The following PRX variants were observed in gnomAD, a reference collection of about 807,000 sequenced individuals.
The protein encoded by PRX is periaxin.
In PRX, 24 loss-of-function variants were observed where a neutral mutation model predicts 29.6. The ratio of observed to expected loss-of-function variants is 0.81; its 90% CI spans 0.59 to 1.14. The LOEUF is 1.14. Ranked by LOEUF, PRX falls within the 50% of genes most tolerant of loss-of-function variation. The pLI, the probability that PRX is intolerant of heterozygous loss-of-function variation, is 0.00. For missense variants in PRX, 1,838 were observed against 1,926.4 expected (o/e 0.95, Z 0.86); for synonymous variants, 772 against 831.7 (o/e 0.93, Z 1.24).
intron 4 of PRX, among the ~76,000 whole-genome samples, chr19:40,406,888 C>T (rs1434862778): frequency 6.6e-6 from 1 of 151,384 alleles, no homozygotes; most frequent in African/African-American, 2.4e-5. Flanking sequence ...ATTCTTCTGC[C>T]TCAGCCTCCC....
intron 4 of PRX, among the ~76,000 whole-genome samples, chr19:40,406,451 A>G (rs1285005373): frequency 1.3e-5 from 2 of 152,058 alleles, no homozygotes; most frequent in African/African-American, 4.8e-5. Flanking sequence ...CCAGAGAGGT[A>G]AAGTGACTTG....
At chr19:40,399,444 T>C (rs2079472836) in intron 5 of PRX, among the ~76,000 whole-genome samples, 1 of 152,236 alleles carries the variant, frequency 6.6e-6, no homozygotes. Flanking sequence ...TCCAGTGGCA[T>C]TGTTACCAGT....
chr19:40,413,858 TAAAAG>T (rs2145751817), upstream of PRX, among the ~76,000 whole-genome samples: 1 of 152,270 alleles, frequency 6.6e-6, no homozygotes, highest in South Asian at 2.1e-4. Context: ...TTAAACGAGT[TAAAAG>T]AGACTGAAAA....
chr19:40,395,677 C>T lies in PRX; in HGVS notation c.2675G>A (p.Arg892Lys), dbSNP rs1430316534. 4.3e-6 allele frequency: 7 copies of T among 1,614,074 alleles called. No homozygotes were observed. In the Admixed American group the frequency reaches 8.3e-5, roughly 19 times the overall value. The change falls in exon 7 of 7, where the codon AGG becomes AAG. Residue 892 changes from arginine (R) to lysine (K), a missense_variant. This residue lies in a region of PRX where 1,143 missense variants were observed against 1,193.0 expected (regional missense o/e 0.96). Transcript: ENST00000324001. ...AGAGGGCACTCGGAAGCCCACTTCC[C>T]TGACCCCTGCTGCCACCTCAGGGCC... Reference protein sequence around the residue: ...VEGPEVAAGVREVGFRVPSVE... With the variant: ...VEGPEVAAGVKEVGFRVPSVE...
Position 40,408,218 on chromosome 19 carries a change from G to A in PRX, c.-160C>T, listed in dbSNP as rs763423646. The A allele has an allele frequency of 2.4e-4, 134 of 569,090 alleles. No homozygotes were observed. The highest frequency in any genetic ancestry group is 3.9e-4 in the Non-Finnish European group (124 of 315,566). 35.3% of individuals were successfully genotyped at this position (569,090 alleles called of 1,614,324 possible). A position where few individuals can be genotyped will look rare whatever the true frequency, so the allele number is the denominator to read the frequency against. On this transcript the variant is annotated 5_prime_UTR_variant, in exon 3 of 7. Coordinates refer to ENST00000324001, the MANE Select transcript of PRX (RefSeq NM_181882.3). ...GCCCAGCCCGAGGTGCCGCACAGCT[G>A]TCTGCAGGGCTCACGCCCTTCCGTG...
intron 5 of PRX, among the ~76,000 whole-genome samples, chr19:40,400,425 T>G (rs1287524759): frequency 1.4e-5 from 2 of 147,070 alleles, no homozygotes; most frequent in African/African-American, 5.0e-5. Context: ...AAACCCTGTC[T>G]CTACTAAAAA....
intron 4 of PRX, among the ~76,000 whole-genome samples, chr19:40,407,068 C>G (rs918510170): frequency 2.0e-5 from 3 of 151,968 alleles, no homozygotes; most frequent in African/African-American, 2.4e-5. Flanking sequence ...GCCACTGCGC[C>G]CAGCCCCATT....
intron 5 of PRX, among the ~76,000 whole-genome samples, chr19:40,401,337 A>G (rs548127225): frequency 4.0e-4 from 61 of 151,906 alleles, no homozygotes; most frequent in African/African-American, 1.5e-3. Flanking sequence ...CTGTTGCCCA[A>G]GCTGGAGTGC....
intron 4 of PRX, chr19:40,407,464 G>A (rs1025559817): frequency 2.2e-5 from 5 of 231,764 alleles, no homozygotes; most frequent in East Asian, 1.1e-4. Context: ...CACCAAACCC[G>A]GCTCATTTTT....
Position 40,394,708 on chromosome 19 carries a change from G to A in PRX, c.3644C>T (p.Thr1215Ile). Residue 1215 changes from threonine (T) to isoleucine (I), a missense_variant, in exon 7 of 7, where the codon ACC becomes ATC. Coordinates refer to ENST00000324001, the MANE Select transcript of PRX (RefSeq NM_181882.3). The surrounding 1 kb of genome is among the most constrained non-coding windows in gnomAD (Gnocchi z 5.8). ...LVGEGVFKMP[T>I]VTVPQLELDV... Reference sequence around the variant, plus strand: ...CAGCTCAAGCTGGGGCACTGTCACGGTGGGCATCTTAAAGACACCCTCACC... The same window carrying A: ...CAGCTCAAGCTGGGGCACTGTCACGATGGGCATCTTAAAGACACCCTCACC... The A allele has an allele frequency of 3.7e-6, 6 of 1,611,842 alleles. No individual in the cohort carries two copies. Among genetic ancestry groups the A allele is most frequent in the Non-Finnish European group, 5.1e-6 (6 of 1,180,002 alleles).
In PRX at chr19:40,395,905, G is replaced by C. The variant is rs556698543; in HGVS notation, c.2447C>G (p.Ser816Ter). ...ACCCGCCTCGCCTGGCTTGCCACGT[G>C]ATGGGGACTCTGCCCTCCCTAGCTT... is the stretch of plus-strand genomic sequence containing the variant. ...MPKLGRAESP[S>*]RGKPGEAGAE... The change falls in exon 7 of 7, where the codon TCA becomes TGA. Residue 816 changes from serine to a stop codon, truncating the protein, a stop_gained. Transcript: ENST00000324001. LOFTEE classifies it low-confidence loss of function (END_TRUNC). 1 of 1,614,182 alleles carries C rather than the reference G, an allele frequency of 6.2e-7. No individual in the cohort carries two copies. Among genetic ancestry groups the C allele is most frequent in the Non-Finnish European group, 8.5e-7 (1 of 1,180,048 alleles).
chr19:40,411,367 T>G (rs1344352728), intron 1 of PRX, among the ~76,000 whole-genome samples: 4 of 152,176 alleles, frequency 2.6e-5, no homozygotes, highest in African/African-American at 9.7e-5. Context: ...GAGTCGAGAC[T>G]TGAGCCCAGG....
intron 1 of PRX, among the ~76,000 whole-genome samples, chr19:40,410,740 G>A (rs1009905792): frequency 2.0e-5 from 3 of 152,064 alleles, no homozygotes; most frequent in South Asian, 2.1e-4. Context: ...GCGTGGCAGC[G>A]CGCGCCTGTA....
At chr19:40,409,645 G>A (rs564475101) in intron 1 of PRX, among the ~76,000 whole-genome samples, 89 of 151,780 alleles carry the variant, frequency 5.9e-4, no homozygotes, top group Non-Finnish European at 1.0e-3. Context: ...GCTACTTTTT[G>A]TATTTTTAGT....
At chr19:40,400,300 A>G (rs759005807) in intron 5 of PRX, among the ~76,000 whole-genome samples, 1 of 145,302 alleles carries the variant, frequency 6.9e-6, no homozygotes, top group Non-Finnish European at 1.5e-5. Flanking sequence ...TTTTTTTTTA[A>G]GACAAGATCT....
chr19:40,397,814 G>A lies in PRX; in HGVS notation c.538C>T (p.Pro180Ser). Residue 180 changes from proline to serine, a missense_variant, in exon 7 of 7, where the codon CCG (proline) becomes TCG (serine). This residue lies in a region of PRX where 666 missense variants were observed against 665.0 expected (regional missense o/e 1.00). Coordinates refer to ENST00000324001, the MANE Select transcript of PRX (RefSeq NM_181882.3). ...LKAEAVKGPVPAAPARRRLQL... is the reference protein window; with the variant it reads ...LKAEAVKGPVSAAPARRRLQL... ...AGGCGCCGGCGGGCAGGGGCAGCCG[G>A]GACAGGACCCTTGACAGCCTCGGCT... The A allele has an allele frequency of 6.3e-7, 1 of 1,587,696 alleles. No homozygotes were observed. The highest frequency in any genetic ancestry group is 8.6e-7 in the Non-Finnish European group (1 of 1,168,142).
chr19:40,396,491 C>T lies in PRX; in HGVS notation c.1861G>A (p.Val621Met). ...ATCTCTGGGACTTTTGGAAGCTGCACTTCTGGGAGGTGCACATCGGGCACG... is the reference window on the plus strand; with the variant it reads ...ATCTCTGGGACTTTTGGAAGCTGCATTTCTGGGAGGTGCACATCGGGCACG... ...MAVPDVHLPE[V>M]QLPKVPEMKL... Residue 621 changes from valine (V) to methionine (M), a missense_variant, in exon 7 of 7, where the codon GTG (valine) becomes ATG (methionine). Physicochemically the swap from Val to Met is conservative, Grantham distance 21. Coordinates refer to ENST00000324001, the MANE Select transcript of PRX (RefSeq NM_181882.3). 5 of 1,612,848 alleles carry T rather than the reference C, an allele frequency of 3.1e-6. No individual in the cohort carries two copies. Among genetic ancestry groups the T allele is most frequent in the Non-Finnish European group, 4.2e-6 (5 of 1,179,774 alleles).
chr19:40,395,407 TCCC>T lies in PRX; in HGVS notation c.2942_2944del (p.Gly981del). The T allele has an allele frequency of 6.2e-7, 1 of 1,613,854 alleles. No individual in the cohort carries two copies. Among genetic ancestry groups the T allele is most frequent in the Non-Finnish European group, 8.5e-7 (1 of 1,179,986 alleles). On this transcript the variant is annotated inframe_deletion, in exon 7 of 7. Coordinates refer to ENST00000324001, the MANE Select transcript of PRX (RefSeq NM_181882.3). ...ATCGAGGGCAGGCAGCAGGCCTGCC[TCCC>T]CAGCCCCTTTGGCCTCAGCCTCAGC... is the stretch of plus-strand genomic sequence containing the variant.
chr19:40,395,500 G>A lies in PRX; in HGVS notation c.2852C>T (p.Ala951Val). 1 of 1,614,164 alleles carries A rather than the reference G, an allele frequency of 6.2e-7. No homozygotes were observed. Among genetic ancestry groups the A allele is most frequent in the Non-Finnish European group, 8.5e-7 (1 of 1,180,022 alleles). The change falls in exon 7 of 7, where the codon GCT (alanine) becomes GTT (valine). Residue 951 changes from alanine to valine, a missense_variant. Physicochemically the swap from Ala to Val is moderately conservative, Grantham distance 64. Around this residue, in one of 3 missense-constraint regions of PRX, gnomAD observed 1,143 missense variants for 1,193.0 expected, o/e 0.96. Coordinates refer to ENST00000324001, the MANE Select transcript of PRX (RefSeq NM_181882.3). ...PKVAKAEAEG[A>V]GRATKLKVSK... ...TACCTTCAGCTTGGTAGCTCGCCCAGCCCCCTCAGCCTCTGCCTTAGCCAC... is the reference window on the plus strand; with the variant it reads ...TACCTTCAGCTTGGTAGCTCGCCCAACCCCCTCAGCCTCTGCCTTAGCCAC...
Sources: allele counts gnomAD v4.1 joint callset (sites outside exome capture counted in the v4.1 genomes callset), GRCh38; gene constraint gnomAD v4.1.1; regional missense constraint gnomAD v4.1.1; non-coding constraint Gnocchi (gnomAD v3.1); transcripts MANE v1.5; gene names NCBI Gene and HGNC (gene_info 2026-07-23, HGNC 2026-07-21).